Variants in LIPG observed in about 807,000 individuals in gnomAD.
The protein encoded by LIPG is lipase G, endothelial type, also known as endothelial lipase.
A neutral mutation model predicts 51.8 loss-of-function variants in LIPG; 34 were observed. The observed-to-expected ratio is 0.66, with a 90% CI of 0.50 to 0.87. The LOEUF (loss-of-function observed/expected upper bound fraction) is 0.87. Among genes scored for constraint, LIPG ranks in the 40% least tolerant of loss-of-function variants. LIPG has a pLI of 0.00. For missense variants in LIPG, 580 were observed against 652.7 expected (o/e 0.89, Z 1.21); for synonymous variants, 246 against 246.1 (o/e 1.00, Z 0.00).
In LIPG at chr18:49,579,739, C is replaced by T. The variant is rs2084793058; in HGVS notation, c.794-1676C>T. On this transcript the variant is annotated intron_variant, in intron 5 of 9. Transcript: ENST00000261292. Reference sequence around the variant, plus strand: ...CCCTCCTCAGAATATAGGATGATGGCCTTTCTTTCCTTTCCTTTCCTTTCC... The same window carrying T: ...CCCTCCTCAGAATATAGGATGATGGTCTTTCTTTCCTTTCCTTTCCTTTCC... Among the ~76,000 whole-genome samples the T allele has an allele frequency of 2.1e-5, 3 of 144,276 alleles. No homozygotes were observed. The South Asian group carries it at 6.6e-4, about 32-fold the overall frequency. 94.7% of individuals were successfully genotyped at this position (144,276 alleles called of 152,430 possible). A position where few individuals can be genotyped will look rare whatever the true frequency, so the allele number is the denominator to read the frequency against.
chr18:49,565,795 C>A (rs752677695), intron 2 of LIPG, among the ~76,000 whole-genome samples: 9 of 152,190 alleles, frequency 5.9e-5, no homozygotes, highest in Admixed American at 5.9e-4. Context: ...CACTTAATTA[C>A]GCTGGTCAAC....
At chr18:49,573,843 G>T (rs1429030468) in intron 4 of LIPG, among the ~76,000 whole-genome samples, 4 of 152,100 alleles carry the variant, frequency 2.6e-5, no homozygotes, top group African/African-American at 4.8e-5. Flanking sequence ...TCCCAGCCTT[G>T]GTGTTTCGAG....
rs945256116 is a variant in LIPG, at chr18:49,581,461, C to T, written c.840C>T (p.Leu280=). 2.5e-6 allele frequency: 4 copies of T among 1,614,088 alleles called. No homozygotes were observed. Among genetic ancestry groups the T allele is most frequent in the Non-Finnish European group, 2.5e-6 (3 of 1,180,054 alleles). The part of the protein sequence containing the change: ...VKCEHERAVH[L]FVDSLVNQDK... Reference sequence around the variant, plus strand: ...GTGAGCATGAGCGAGCCGTCCACCTCTTTGTTGACTCTCTGGTGAATCAGG... The same window carrying T: ...GTGAGCATGAGCGAGCCGTCCACCTTTTTGTTGACTCTCTGGTGAATCAGG... Residue 280 remains leucine, a synonymous_variant, in exon 6 of 10, where the codon CTC becomes CTT. Coordinates refer to ENST00000261292, the MANE Select transcript of LIPG (RefSeq NM_006033.4).
intron 5 of LIPG, among the ~76,000 whole-genome samples, chr18:49,576,457 C>CTTTTTTTTTT (rs34597464): frequency 0.012 from 625 of 51,492 alleles, 207 homozygotes; most frequent in African/African-American, 0.014. Context: ...CAGAATCTTG[C>CTTTTTTTTTT]TTTTTTTTTT....
intron 5 of LIPG, among the ~76,000 whole-genome samples, chr18:49,576,853 C>G (rs963596185): frequency 7.2e-5 from 11 of 152,168 alleles, no homozygotes; most frequent in Admixed American, 7.2e-4. Flanking sequence ...CTCAAGCTAT[C>G]CCCCTGCCTC....
chr18:49,570,079 TGCCTCTGATTTCTATC>T (rs754704000), intron 4 of LIPG, among the ~76,000 whole-genome samples: 10 of 152,244 alleles, frequency 6.6e-5, no homozygotes, highest in Non-Finnish European at 1.5e-4. Context: ...GTTTGAATTC[TGCCTCTGATTTCTATC>T]TTGTCTCCCA....
Position 49,592,137 on chromosome 18 carries a change from GT to G in LIPG, c.*1619del. On this transcript the variant is annotated 3_prime_UTR_variant, in exon 10 of 10. Transcript: ENST00000261292. ...GAAGAATGATTTTCTTTGTACTTAG[GT>G]TTTCTAAGGACATTGTTTTAATCTG... 1 of 152,112 alleles carries G rather than the reference GT, an allele frequency of 6.6e-6. No homozygotes were observed. The highest frequency in any genetic ancestry group is 1.5e-5 in the Non-Finnish European group (1 of 68,030). 9.4% of individuals were successfully genotyped at this position (152,112 alleles called of 1,614,324 possible). A position where few individuals can be genotyped will look rare whatever the true frequency, so the allele number is the denominator to read the frequency against.
chr18:49,590,056 C>T, intron 9 of LIPG: 1 of 298,758 alleles, frequency 3.3e-6, no homozygotes. Context: ...GACTAGAATC[C>T]AGGTCTCCTA....
Position 49,567,638 on chromosome 18 carries a change from G to A in LIPG, c.459+17G>A, listed in dbSNP as rs1304769036. On this transcript the variant is annotated intron_variant, in intron 3 of 9. Transcript: ENST00000261292. ...TGGCTGCAGGTACTGGGGGATGAGA[G>A]GGAGTCTCCTGTCACCAGCAGGATC... The A allele has an allele frequency of 6.2e-7, 1 of 1,612,990 alleles. No individual in the cohort carries two copies. The highest frequency in any genetic ancestry group is 1.1e-5 in the South Asian group (1 of 91,000).
chr18:49,588,282 C>CTT (rs1231084858), intron 9 of LIPG, among the ~76,000 whole-genome samples: 2,721 of 132,748 alleles, frequency 0.02, 87 homozygotes, highest in African/African-American at 0.064. Context: ...CTCCCACACA[C>CTT]TTTTTTTTTT....
rs2084960260 is a variant in LIPG, at chr18:49,592,948, T to TTG, written c.*2427_*2428insGT. 1 of 147,700 alleles carries TTG rather than the reference T, an allele frequency of 6.8e-6. No homozygotes were observed. The highest frequency in any genetic ancestry group is 1.5e-5 in the Non-Finnish European group (1 of 66,962). 9.1% of individuals were successfully genotyped at this position (147,700 alleles called of 1,614,324 possible). On this transcript the variant is annotated 3_prime_UTR_variant, in exon 10 of 10. Coordinates refer to ENST00000261292, the MANE Select transcript of LIPG (RefSeq NM_006033.4). ...AATTTTTTTTTTTTTTTTTTTTTTT[T>TTG]TTGAGACAGAGCCTCTCTCTGTCAC...
At chr18:49,575,841 CTTT>C (rs1301704194) in intron 5 of LIPG, among the ~76,000 whole-genome samples, 2 of 141,872 alleles carry the variant, frequency 1.4e-5, no homozygotes, top group Non-Finnish European at 1.5e-5. Flanking sequence ...CTTTTTCTTT[CTTT>C]TTTTTTTTTT....
intron 5 of LIPG, among the ~76,000 whole-genome samples, chr18:49,579,527 T>TG (rs1261954920): frequency 6.6e-6 from 1 of 151,716 alleles, no homozygotes; most frequent in Non-Finnish European, 1.5e-5. Context: ...TGACCAATTT[T>TG]GGGGGGGTTT....
Position 49,581,458 on chromosome 18 carries a change from C to T in LIPG, c.837C>T (p.His279=). The T allele has an allele frequency of 1.2e-6, 2 of 1,614,240 alleles. No homozygotes were observed. Among genetic ancestry groups the T allele is most frequent in the Admixed American group, 1.7e-5 (1 of 60,016 alleles). The change falls in exon 6 of 10, where the codon CAC becomes CAT. Residue 279 remains histidine, a synonymous_variant. Transcript: ENST00000261292. ...AATGTGAGCATGAGCGAGCCGTCCA[C>T]CTCTTTGTTGACTCTCTGGTGAATC... The part of the protein sequence containing the change: ...VVKCEHERAV[H]LFVDSLVNQD...
rs1179257583 is a variant in LIPG, at chr18:49,565,309, C to G, written c.98-8C>G. The G allele has an allele frequency of 6.2e-7, 1 of 1,613,640 alleles. No individual in the cohort carries two copies. Among genetic ancestry groups the G allele is most frequent in the Admixed American group, 1.7e-5 (1 of 60,006 alleles). On this transcript the variant is annotated splice_region_variant and splice_polypyrimidine_tract_variant and intron_variant, in intron 1 of 9. Coordinates refer to ENST00000261292, the MANE Select transcript of LIPG (RefSeq NM_006033.4). ...TAGATGCACCCACGCTCTGTTCTGTCTCCCCAGATAAGCTCCACAAACCCA... is the reference window on the plus strand; with the variant it reads ...TAGATGCACCCACGCTCTGTTCTGTGTCCCCAGATAAGCTCCACAAACCCA...
intron 1 of LIPG, 114 bp downstream of exon 1, chr18:49,562,519 G>A: frequency 2.1e-6 from 2 of 958,712 alleles, no homozygotes. Context: ...TTCCCACTGC[G>A]CTGCCCATTC....
At position 49,569,475 on chromosome 18, in the gene LIPG, C is replaced by A. The variant is rs771374032; in HGVS notation, c.498C>A (p.Ile166=). ...DDFSLGNVHL[I]GYSLGAHVAG... is the part of the protein sequence containing the mutation. Reference sequence around the variant, plus strand: ...TTTCTCTCGGGAATGTCCACTTGATCGGCTACAGCCTCGGAGCGCACGTGG... The same window carrying A: ...TTTCTCTCGGGAATGTCCACTTGATAGGCTACAGCCTCGGAGCGCACGTGG... The change falls in exon 4 of 10, where the codon ATC becomes ATA. Residue 166 remains isoleucine, a synonymous_variant. Coordinates refer to ENST00000261292, the MANE Select transcript of LIPG (RefSeq NM_006033.4). 4 of 1,614,182 alleles carry A rather than the reference C, an allele frequency of 2.5e-6. No individual in the cohort carries two copies. Among genetic ancestry groups the A allele is most frequent in the African/African-American group, 1.3e-5 (1 of 75,060 alleles).
chr18:49,565,601 C>T (rs1264117809), intron 2 of LIPG, 103 bp downstream of exon 2: 2 of 1,313,162 alleles, frequency 1.5e-6, no homozygotes, highest in East Asian at 2.4e-5. Context: ...AAACCCTCTT[C>T]CCCCCTTTCC....
At chr18:49,569,191 G>T (rs570640545) in intron 3 of LIPG, among the ~76,000 whole-genome samples, 1 of 152,016 alleles carries the variant, frequency 6.6e-6, no homozygotes, top group African/African-American at 2.4e-5. Context: ...GCAGCCTCCA[G>T]TCATACCCTC....
Sources: gnomAD v4.1 joint callset for allele counts (sites outside exome capture counted in the v4.1 genomes callset) on GRCh38, gnomAD v4.1.1 for gene constraint, MANE v1.5 for transcripts, NCBI Gene and HGNC (gene_info 2026-07-23, HGNC 2026-07-21) for gene names.